The following EMSY variants were observed in gnomAD, a reference collection of about 807,000 sequenced individuals.
EMSY encodes BRCA2-interacting transcriptional repressor EMSY.
In EMSY, 26 loss-of-function variants were observed where a neutral mutation model predicts 134.6. The observed-to-expected ratio is 0.19, with a 90% CI of 0.14 to 0.27. The LOEUF (loss-of-function observed/expected upper bound fraction) is 0.27, where lower values mean the gene tolerates loss of function less well. Among genes scored for constraint, EMSY ranks in the 10% least tolerant of loss-of-function variants. EMSY has a pLI of 1.00. For synonymous variants in EMSY, 579 were observed against 577.8 expected (o/e 1.00, Z -0.03); for missense variants, 1,305 against 1,611.4 (o/e 0.81, Z 3.26).
At chr11:76,497,422 G>A (rs1163872500) in intron 9 of EMSY, among the ~76,000 whole-genome samples, 1 of 152,124 alleles carries the variant, frequency 6.6e-6, no homozygotes, top group African/African-American at 2.4e-5. Flanking sequence ...GACTATGTAA[G>A]ATTGATGTTA....
chr11:76,542,643 A>G (rs1951482702), intron 18 of EMSY, among the ~76,000 whole-genome samples: 2 of 151,984 alleles, frequency 1.3e-5, no homozygotes, highest in South Asian at 2.1e-4. Context: ...GTTTTTGTGT[A>G]TTTTACTGTG....
intron 12 of EMSY, 108 bp downstream of exon 13, chr11:76,523,399 T>TATTG: frequency 2.3e-6 from 3 of 1,290,966 alleles, no homozygotes; most frequent in Non-Finnish European, 3.1e-6. Flanking sequence ...CCAGAATGGC[T>TATTG]TGGTTTACCA....
chr11:76,458,600 A>G (rs3814711), intron 5 of EMSY: 195,387 of 321,900 alleles, frequency 0.61, 61,105 homozygotes, highest in East Asian at 0.82. Context: ...ACCTCGGAAT[A>G]GATTTTTGAT....
chr11:76,516,134 T>C lies in EMSY; in HGVS notation c.1514-8T>C. The C allele has an allele frequency of 6.2e-7, 1 of 1,606,236 alleles. No homozygotes were observed. The highest frequency in any genetic ancestry group is 8.5e-7 in the Non-Finnish European group (1 of 1,176,740). On this transcript the variant is annotated splice_polypyrimidine_tract_variant and splice_region_variant and intron_variant, in intron 10 of 20. Coordinates refer to ENST00000334736, the Ensembl canonical transcript of EMSY. ...CAAGTTTTTCTTTTGGCTTTTCCCT[T>C]TCTGTAGGCACACAAGCAACCTATA... is the stretch of plus-strand genomic sequence containing the variant.
At chr11:76,479,463 T>C (rs1370902706) in intron 8 of EMSY, among the ~76,000 whole-genome samples, 1 of 152,226 alleles carries the variant, frequency 6.6e-6, no homozygotes, top group Non-Finnish European at 1.5e-5. Context: ...GATGCGCCAA[T>C]AACAGGTTCC....
At chr11:76,540,408 T>C (rs1314094732) in intron 17 of EMSY, among the ~76,000 whole-genome samples, 1 of 152,214 alleles carries the variant, frequency 6.6e-6, no homozygotes, top group Non-Finnish European at 1.5e-5. Context: ...TTCGATTATG[T>C]TGAGCACATA....
chr11:76,456,108 A>G lies in EMSY; in HGVS notation c.246-2075A>G, dbSNP rs536328587. On this transcript the variant is annotated intron_variant, in intron 4 of 20. Transcript: ENST00000334736. ...TAAATAGAGAGACACTTTTATACTC[A>G]CACTAAAGTATCTCAGTGAAGCCCT... is the stretch of plus-strand genomic sequence containing the variant. 3.0e-4 allele frequency among the ~76,000 whole-genome samples: 45 copies of G among 152,324 alleles called. No individual in the cohort carries two copies. In the East Asian group the frequency reaches 6.7e-3, roughly 23 times the overall value.
chr11:76,474,876 G>T (rs747696570), intron 8 of EMSY, among the ~76,000 whole-genome samples: 4 of 152,094 alleles, frequency 2.6e-5, no homozygotes, highest in Non-Finnish European at 5.9e-5. Context: ...CAATTCTCCT[G>T]CCCCAGCCAC....
At chr11:76,550,435 GT>G (rs764350701) in exon 21 of EMSY, 3 of 232,472 alleles carry the variant, frequency 1.3e-5, no homozygotes, top group Non-Finnish European at 2.5e-5. Context: ...CGGTGAAACA[GT>G]TTTGTCTTGC....
rs764382597 is a variant in EMSY at position 76,472,561 on chromosome 11, T to C, written c.832-3T>C. 3.2e-5 allele frequency: 52 copies of C among 1,611,176 alleles called. No individual in the cohort carries two copies. In the Admixed American group the frequency reaches 8.3e-4, roughly 26 times the overall value. On this transcript the variant is annotated splice_region_variant and splice_polypyrimidine_tract_variant and intron_variant, in intron 7 of 20. Transcript: ENST00000334736. ...TAAAAATAACTTATTTTTTATTCCT[T>C]AGGTTATTATAGTCACCACATCACC...
chr11:76,481,828 G>A (rs978048513), intron 8 of EMSY, among the ~76,000 whole-genome samples: 1 of 152,236 alleles, frequency 6.6e-6, no homozygotes, highest in Admixed American at 6.5e-5. Flanking sequence ...AGCTTCAGCA[G>A]AGTTAAACGT....
chr11:76,472,908 G>T, intron 8 of EMSY, 68 bp downstream of exon 9: 1 of 1,538,466 alleles, frequency 6.5e-7, no homozygotes, highest in Non-Finnish European at 8.9e-7. Flanking sequence ...AACTTGGTGG[G>T]TATGTTTCTC....
rs763785327 is a variant in EMSY at position 76,519,640 on chromosome 11, A to G, written c.1684+3328A>G. 5.7e-4 allele frequency among the ~76,000 whole-genome samples: 87 copies of G among 152,210 alleles called. 1 individual carries two copies. Among genetic ancestry groups the G allele is most frequent in the Admixed American group, 1.5e-3 (23 of 15,280 alleles). On this transcript the variant is annotated intron_variant, in intron 11 of 20. Coordinates refer to ENST00000334736, the Ensembl canonical transcript of EMSY. ...TTCTTTGAGCAAAGCAACATAAAAC[A>G]TTACCTAAGAGACCAAGATTGTCAG... is the stretch of plus-strand genomic sequence containing the variant.
chr11:76,512,263 C>T (rs938244283), intron 9 of EMSY, among the ~76,000 whole-genome samples: 4 of 151,944 alleles, frequency 2.6e-5, no homozygotes, highest in African/African-American at 9.7e-5. Flanking sequence ...TCATTTACCC[C>T]GAGAATACTT....
intron 9 of EMSY, among the ~76,000 whole-genome samples, chr11:76,506,340 T>C (rs2135999841): frequency 6.6e-6 from 1 of 152,240 alleles, no homozygotes; most frequent in East Asian, 1.9e-4. Context: ...ATACAAAAAT[T>C]ATAAACTGTG....
chr11:76,493,336 C>T lies in EMSY; in HGVS notation c.1109-2879C>T, dbSNP rs937692026. ...TAAGGGCCTGCAGGCGCCCCTTCCC[C>T]GAACAGCCTGGGCTCTGTGATTGAT... On this transcript the variant is annotated intron_variant, in intron 8 of 20. Transcript: ENST00000334736. 4.6e-5 allele frequency among the ~76,000 whole-genome samples: 7 copies of T among 152,284 alleles called. No homozygotes were observed. The South Asian group carries it at 6.2e-4, about 14-fold the overall frequency.
intron 7 of EMSY, 61 bp from the exon 9 acceptor site, chr11:76,472,503 G>A: frequency 7.1e-7 from 1 of 1,415,840 alleles, no homozygotes; most frequent in Non-Finnish European, 9.7e-7. Context: ...AACTAACTGT[G>A]AGTCTAGATA....
intron 3 of EMSY, among the ~76,000 whole-genome samples, chr11:76,452,825 A>G (rs905593430): frequency 9.9e-5 from 15 of 152,228 alleles, no homozygotes; most frequent in African/African-American, 3.4e-4. Context: ...GTATAGCCAC[A>G]GGAAACAGAT....
intron 8 of EMSY, among the ~76,000 whole-genome samples, chr11:76,489,861 T>C (rs1006909110): frequency 8.5e-5 from 13 of 152,174 alleles, no homozygotes; most frequent in African/African-American, 2.4e-5. Flanking sequence ...CACCTCGGCC[T>C]CCCAAAGTGC....
Sources: gnomAD v4.1 joint callset for allele counts (sites outside exome capture counted in the v4.1 genomes callset) on GRCh38, gnomAD v4.1.1 for gene constraint, MANE v1.5 for transcripts, NCBI Gene and HGNC (gene_info 2026-07-23, HGNC 2026-07-21) for gene names.